The following CAPN9 variants were observed in gnomAD, a reference collection of about 807,000 sequenced individuals.
CAPN9 encodes the protein calpain-9.
In CAPN9, 81 loss-of-function variants were observed where a neutral mutation model predicts 92.8. The observed-to-expected ratio is 0.87, with a 90% CI of 0.73 to 1.05. The LOEUF (loss-of-function observed/expected upper bound fraction) is 1.05. Ranked by LOEUF, CAPN9 falls within the 50% of genes least tolerant of loss-of-function variation. CAPN9 has a pLI of 0.00. For missense variants in CAPN9, 848 were observed against 866.2 expected (o/e 0.98, Z 0.26); for synonymous variants, 304 against 328.0 (o/e 0.93, Z 0.79).
chr1:230,757,927 G>A (rs1665360852), intron 2 of CAPN9, among the ~76,000 whole-genome samples: 1 of 151,888 alleles, frequency 6.6e-6, no homozygotes, highest in Non-Finnish European at 1.5e-5. Flanking sequence ...GAGCCGAGAT[G>A]GTGCCACTTC....
intron 6 of CAPN9, among the ~76,000 whole-genome samples, chr1:230,770,571 C>A (rs548321575): frequency 1.3e-5 from 2 of 152,264 alleles, no homozygotes; most frequent in Middle Eastern, 6.8e-3. Flanking sequence ...TGGAACTGAT[C>A]CTGGGGGACA....
chr1:230,795,013 C>A, intron 17 of CAPN9, 150 bp from the exon 18 acceptor site: 1 of 631,310 alleles, frequency 1.6e-6, no homozygotes, highest in Non-Finnish European at 2.8e-6. Context: ...AGCAGTCCCA[C>A]TGGGTCTGGG....
At chr1:230,773,755 C>T (rs1412208248) in intron 7 of CAPN9, among the ~76,000 whole-genome samples, 4 of 152,262 alleles carry the variant, frequency 2.6e-5, no homozygotes, top group Admixed American at 6.5e-5. Flanking sequence ...AGACAGGTCC[C>T]GGCTGATCCT....
intron 11 of CAPN9, among the ~76,000 whole-genome samples, chr1:230,783,936 T>G (rs1411935222): frequency 1.3e-5 from 2 of 152,180 alleles, no homozygotes; most frequent in Non-Finnish European, 2.9e-5. Flanking sequence ...AGGTCTCAGA[T>G]GGAAAGGAGG....
chr1:230,795,226 A>C lies in CAPN9; in HGVS notation c.1934A>C (p.Gln645Pro). 6.2e-7 allele frequency: 1 copy of C among 1,613,746 alleles called. No homozygotes were observed. Among genetic ancestry groups the C allele is most frequent in the Admixed American group, 1.7e-5 (1 of 60,022 alleles). The change falls in exon 18 of 20, where the codon CAG (glutamine) becomes CCG (proline). Residue 645 changes from glutamine (Q) to proline (P), a missense_variant. Gln to Pro is a moderately conservative substitution (Grantham distance 76, BLOSUM62 -1). Coordinates refer to ENST00000271971, the MANE Select transcript of CAPN9 (RefSeq NM_006615.3). ...CTCAGGTATGCGGATGAGGAGCTCC[A>C]GCTGGACTTCGATGACTTCCTCAAC... ...IVLRYADEEL[Q>P]LDFDDFLNCL...
intron 5 of CAPN9, 120 bp from the exon 6 acceptor site, chr1:230,769,060 C>T (rs892784319): frequency 7.8e-6 from 6 of 766,806 alleles, no homozygotes; most frequent in Middle Eastern, 3.8e-4. Flanking sequence ...ACATGGCCTG[C>T]ACCTGGGGCA....
chr1:230,751,681 AAGAAG>A (rs1664848725), intron 1 of CAPN9, among the ~76,000 whole-genome samples: 1 of 147,368 alleles, frequency 6.8e-6, no homozygotes, highest in Non-Finnish European at 1.5e-5. Context: ...GAAAGAAAGA[AAGAAG>A]GGTGGCTTTT....
chr1:230,782,752 C>T (rs1667312303), intron 11 of CAPN9, among the ~76,000 whole-genome samples: 2 of 152,268 alleles, frequency 1.3e-5, no homozygotes, highest in East Asian at 1.9e-4. Context: ...CACGGTGGCT[C>T]ATGCCTGTAA....
intron 11 of CAPN9, among the ~76,000 whole-genome samples, chr1:230,784,221 C>T (rs893564894): frequency 6.6e-6 from 1 of 152,206 alleles, no homozygotes; most frequent in African/African-American, 2.4e-5. Flanking sequence ...GGAAAATTTG[C>T]AGCCTGGCTA....
chr1:230,793,936 G>A (rs1309437137), intron 17 of CAPN9, among the ~76,000 whole-genome samples: 1 of 152,128 alleles, frequency 6.6e-6, no homozygotes, highest in Admixed American at 6.5e-5. Flanking sequence ...GTGGTGTGGG[G>A]AGAATCGCCC....
intron 7 of CAPN9, among the ~76,000 whole-genome samples, chr1:230,773,848 G>A (rs924166468): frequency 2.6e-5 from 4 of 152,326 alleles, no homozygotes; most frequent in Admixed American, 6.5e-5. Context: ...CTGTAGCACC[G>A]CAACAGTGGT....
intron 1 of CAPN9, among the ~76,000 whole-genome samples, chr1:230,748,489 C>A (rs571210169): frequency 6.6e-6 from 1 of 152,256 alleles, no homozygotes; most frequent in South Asian, 2.1e-4. Context: ...ACAAGGGATG[C>A]TGGTCCTACA....
At chr1:230,771,741 AT>A (rs1042030937) in intron 6 of CAPN9, among the ~76,000 whole-genome samples, 3 of 152,228 alleles carry the variant, frequency 2.0e-5, no homozygotes, top group Non-Finnish European at 4.4e-5. Context: ...GTTAATTGCA[AT>A]TCTACTTTAC....
chr1:230,774,385 G>T (rs1197646778), intron 7 of CAPN9, among the ~76,000 whole-genome samples, 169 bp from the exon 8 acceptor site: 1 of 152,226 alleles, frequency 6.6e-6, no homozygotes, highest in African/African-American at 2.4e-5. Context: ...TTATTTGGGG[G>T]CCAGTGGCTC....
At chr1:230,782,430 C>T (rs1432139337) in intron 11 of CAPN9, among the ~76,000 whole-genome samples, 3 of 152,154 alleles carry the variant, frequency 2.0e-5, no homozygotes, top group Non-Finnish European at 2.9e-5. Flanking sequence ...TTCCCTTTGA[C>T]TTTGTATCAG....
At chr1:230,798,488 G>T (rs375785226) in intron 19 of CAPN9, among the ~76,000 whole-genome samples, 2 of 152,222 alleles carry the variant, frequency 1.3e-5, no homozygotes, top group East Asian at 3.8e-4. Context: ...ACCTTGACTT[G>T]AGTGAGTGAG....
rs1468772781 is a variant in CAPN9 at position 230,779,129 on chromosome 1, C to T, written c.1110C>T (p.Phe370=). 1.9e-6 allele frequency: 3 copies of T among 1,612,144 alleles called. No homozygotes were observed. Among genetic ancestry groups the T allele is most frequent in the South Asian group, 1.1e-5 (1 of 90,976 alleles). The change falls in exon 9 of 20, where the codon TTC becomes TTT. Residue 370 remains phenylalanine, a synonymous_variant. Coordinates refer to ENST00000271971, the MANE Select transcript of CAPN9 (RefSeq NM_006615.3). ...CCACGGCTGGGGGCTGCCGCAATTT[C>T]CTGGGTAGGTAGGCTGCCTGTCACT... ...RGSTAGGCRN[F]LDTFWTNPQI...
intron 14 of CAPN9, among the ~76,000 whole-genome samples, chr1:230,791,402 C>A (rs973390141): frequency 6.6e-6 from 1 of 152,120 alleles, no homozygotes; most frequent in African/African-American, 2.4e-5. Context: ...ACATTTTCAC[C>A]AGCAGCAGTA....
At chr1:230,788,764 C>T (rs566768424) in intron 13 of CAPN9, among the ~76,000 whole-genome samples, 2 of 152,068 alleles carry the variant, frequency 1.3e-5, no homozygotes, top group Non-Finnish European at 2.9e-5. Context: ...GCAGTGGTGA[C>T]CTCCCTGCTC....
Sources: gnomAD v4.1 joint callset for allele counts (sites outside exome capture counted in the v4.1 genomes callset) on GRCh38, gnomAD v4.1.1 for gene constraint, MANE v1.5 for transcripts, NCBI Gene and HGNC (gene_info 2026-07-23, HGNC 2026-07-21) for gene names.